The following SFPQ variants were observed in gnomAD, a reference collection of about 807,000 sequenced individuals.
The protein encoded by SFPQ is splicing factor, proline- and glutamine-rich.
Under a neutral mutation model 72.9 loss-of-function variants are expected in SFPQ, and 11 were observed. That is an observed-to-expected ratio of 0.15 (90% CI 0.09 to 0.25). The LOEUF is 0.25. Ranked by LOEUF, SFPQ falls within the 10% of genes least tolerant of loss-of-function variation. The pLI is 1.00. For synonymous variants in SFPQ, 506 were observed against 367.3 expected (o/e 1.38, Z -4.32); for missense variants, 847 against 993.3 (o/e 0.85, Z 1.98).
rs148379438 is a variant in SFPQ, at chr1:35,191,432, G to A, written c.926C>T (p.Thr309Met). The A allele has an allele frequency of 6.2e-7, 1 of 1,613,890 alleles. No individual in the cohort carries two copies. The highest frequency in any genetic ancestry group is 8.5e-7 in the Non-Finnish European group (1 of 1,179,830). The change falls in exon 2 of 10, where the codon ACG (threonine) becomes ATG (methionine). Residue 309 changes from threonine to methionine, a missense_variant. Thr to Met is a moderately conservative substitution (Grantham distance 81, BLOSUM62 -1). Around this residue, in one of 6 missense-constraint regions of SFPQ, gnomAD observed 35 missense variants for 52.9 expected, o/e 0.66. Transcript: ENST00000357214. ...AAATAGTCTTTTGAATTCATCCTCCGTGATATCAGCAGGTAGATTCCCAAC... is the reference window on the plus strand; with the variant it reads ...AAATAGTCTTTTGAATTCATCCTCCATGATATCAGCAGGTAGATTCCCAAC... The part of the protein sequence containing the change: ...LFVGNLPADI[T>M]EDEFKRLFAK...
chr1:35,189,379 C>T lies in SFPQ; in HGVS notation c.1419G>A (p.Glu473=), dbSNP rs780899294. Residue 473 remains glutamate, a synonymous_variant, in exon 5 of 10, where the codon GAG becomes GAA. Coordinates refer to ENST00000357214, the MANE Select transcript of SFPQ (RefSeq NM_005066.3). ...LAQKNPMYQK[E]RETPPRFAQH... ...GGGCAAAACGAGGAGGGGTTTCTCT[C>T]TCCCTAACAATACACAAAATTTTAA... 9.9e-6 allele frequency: 16 copies of T among 1,612,394 alleles called. No homozygotes were observed. The highest frequency in any genetic ancestry group is 2.5e-6 in the Non-Finnish European group (3 of 1,179,014).
At chr1:35,180,199 T>C (rs1639409011), downstream of SFPQ, 2 of 1,051,546 alleles carry the variant, frequency 1.9e-6, no homozygotes, top group Non-Finnish European at 2.3e-6. Context: ...AGAAACATTA[T>C]ACATGAAAAC....
Position 35,192,716 on chromosome 1 carries a change from C to T in SFPQ, c.334G>A (p.Ala112Thr), listed in dbSNP as rs918811798. 6 of 1,472,568 alleles carry T rather than the reference C, an allele frequency of 4.1e-6. No individual in the cohort carries two copies. In the South Asian group the frequency reaches 5.3e-5, roughly 13 times the overall value. 91.2% of individuals were successfully genotyped at this position (1,472,568 alleles called of 1,614,324 possible). A position where few individuals can be genotyped will look rare whatever the true frequency, so the allele number is the denominator to read the frequency against. ...CCGGGAGCGGGGCCGGGTCCCTGAG[C>T]AACGACGGGCTTGGAAGAGTCCTGC... Reference protein sequence around the residue: ...PPQDSSKPVVAQGPGPAPGVG... With the variant: ...PPQDSSKPVVTQGPGPAPGVG... Residue 112 changes from alanine to threonine, a missense_variant, in exon 1 of 10, where the codon GCT becomes ACT. Ala to Thr is a moderately conservative substitution (Grantham distance 58). Coordinates refer to ENST00000357214, the MANE Select transcript of SFPQ (RefSeq NM_005066.3).
chr1:35,188,252 A>C (rs745317323), intron 6 of SFPQ, among the ~76,000 whole-genome samples, 162 bp from the exon 7 acceptor site: 49 of 152,260 alleles, frequency 3.2e-4, no homozygotes, highest in Non-Finnish European at 6.5e-4. Flanking sequence ...CTGGCAAATA[A>C]TGTAGGCTTT....
At position 35,187,251 on chromosome 1, in the gene SFPQ, G is replaced by A; in HGVS notation, c.1816C>T (p.Arg606Trp). 3 of 1,613,846 alleles carry A rather than the reference G, an allele frequency of 1.9e-6. No homozygotes were observed. Among genetic ancestry groups the A allele is most frequent in the Non-Finnish European group, 2.5e-6 (3 of 1,179,894 alleles). ...SYSRMGYMDP[R>W]ERDMRMGGGG... The stretch of plus-strand genomic sequence containing the variant: ...CCACCCATTCGCATGTCTCTTTCCC[G>A]CTGCAAGAAAAAAATTCCTTTCAAT... Residue 606 changes from arginine (R) to tryptophan (W), a missense_variant and splice_region_variant, in exon 8 of 10, where the codon CGG (arginine) becomes TGG (tryptophan). Around this residue, in one of 6 missense-constraint regions of SFPQ, gnomAD observed 154 missense variants for 186.0 expected, o/e 0.83. Coordinates refer to ENST00000357214, the MANE Select transcript of SFPQ (RefSeq NM_005066.3).
At chr1:35,188,892 C>T (rs1639859291) in intron 6 of SFPQ, 111 bp downstream of exon 6, 4 of 792,280 alleles carry the variant, frequency 5.0e-6, no homozygotes, top group African/African-American at 1.7e-5. Context: ...ACCCAGGAAG[C>T]GGAGGTTGTG....
At chr1:35,180,842 G>A, downstream of SFPQ, 1 of 985,364 alleles carries the variant, frequency 1.0e-6, no homozygotes, top group South Asian at 4.7e-5. Flanking sequence ...CACCACTGAT[G>A]TGTTCCATGT....
intron 9 of SFPQ, 100 bp downstream of exon 9, chr1:35,186,901 T>C: frequency 8.4e-7 from 1 of 1,191,318 alleles, no homozygotes; most frequent in Non-Finnish European, 1.2e-6. Flanking sequence ...CTAAAAGAGG[T>C]CCAGTCACCT....
chr1:35,179,495 A>C, downstream of SFPQ: 1 of 1,055,304 alleles, frequency 9.5e-7, no homozygotes, highest in Non-Finnish European at 1.1e-6. Context: ...GGTTTGTAAC[A>C]AAATTATGAA....
At chr1:35,187,699 C>CTA (rs939258217) in intron 7 of SFPQ, among the ~76,000 whole-genome samples, 2 of 151,912 alleles carry the variant, frequency 1.3e-5, no homozygotes, top group Non-Finnish European at 2.9e-5. Context: ...CCACTGCACT[C>CTA]CAGCCTGGGT....
At position 35,192,351 on chromosome 1, in the gene SFPQ, C is replaced by T. The variant is rs1433303158; in HGVS notation, c.699G>A (p.Pro233=). 5.8e-6 allele frequency: 8 copies of T among 1,388,974 alleles called. No homozygotes were observed. Among genetic ancestry groups the T allele is most frequent in the Non-Finnish European group, 4.6e-6 (5 of 1,085,002 alleles). The allele number at this position is 1,388,974 out of a possible 1,614,324, so 86.0% of individuals were successfully genotyped here. A position where few individuals can be genotyped will look rare whatever the true frequency, so the allele number is the denominator to read the frequency against. ...GLSTPGGHPK[P]PHRGGGEPRG... ...GGGGCTCCCCGCCGCCTCGATGCGG[C>T]GGCTTGGGGTGGCCGCCAGGCGTAC... Residue 233 remains proline (P), a synonymous_variant, in exon 1 of 10, where the codon CCG becomes CCA. Transcript: ENST00000357214.
rs1353919808 is a variant in SFPQ, at chr1:35,192,232, G to A, written c.818C>T (p.Ser273Leu). The A allele has an allele frequency of 6.2e-6, 9 of 1,460,170 alleles. No individual in the cohort carries two copies. The highest frequency in any genetic ancestry group is 2.2e-4 in the Middle Eastern group (1 of 4,462). 90.5% of individuals were successfully genotyped at this position (1,460,170 alleles called of 1,614,324 possible). A position where few individuals can be genotyped will look rare whatever the true frequency, so the allele number is the denominator to read the frequency against. The change falls in exon 1 of 10, where the codon TCG becomes TTG. Residue 273 changes from serine to leucine, a missense_variant. Around this residue, in one of 6 missense-constraint regions of SFPQ, gnomAD observed 498 missense variants for 405.1 expected, o/e 1.23. Transcript: ENST00000357214. ...CCCATAGACACTCACCTCCGAGTCC[G>A]AGATCTTCTCCTCGCTGCGGCCGCC... Reference protein sequence around the residue: ...GPGGRSEEKISDSEGFKANLS... With the variant: ...GPGGRSEEKILDSEGFKANLS...
chr1:35,177,921 A>G (rs1639314375), intron 4 of SFPQ: 2 of 694,480 alleles, frequency 2.9e-6, no homozygotes, highest in Non-Finnish European at 3.9e-6. Context: ...CACTCCACAT[A>G]TCTAAATGAA....
At chr1:35,193,140 ACAGGCGGCGC>A (rs1640128690) in exon 1 of SFPQ, 6 of 1,472,766 alleles carry the variant, frequency 4.1e-6, no homozygotes, top group African/African-American at 1.5e-5. Flanking sequence ...GGCGGATGAC[ACAGGCGGCGC>A]GCCGCCTTTG....
At position 35,192,783 on chromosome 1, in the gene SFPQ, C is replaced by A. The variant is rs372546993; in HGVS notation, c.267G>T (p.Pro89=). 5 of 1,495,090 alleles carry A rather than the reference C, an allele frequency of 3.3e-6. No individual in the cohort carries two copies. The allele number at this position is 1,495,090 out of a possible 1,614,324, so 92.6% of individuals were successfully genotyped here. The change falls in exon 1 of 10, where the codon CCG becomes CCT. Residue 89 remains proline (P), a synonymous_variant. Transcript: ENST00000357214. ...GCTGCTGCTGATGCGGCTGTGGATG[C>A]GGCGGCGGCTGATGCGGTGGCGGCT... ...PQQPPPHQPP[P]HPQPHQQQQP...
chr1:35,189,552 A>C (rs747818337), intron 4 of SFPQ, among the ~76,000 whole-genome samples, 170 bp from the exon 5 acceptor site: 1 of 152,228 alleles, frequency 6.6e-6, no homozygotes, highest in East Asian at 1.9e-4. Flanking sequence ...CAGAACACTC[A>C]GTAAAAGAAT....
intron 6 of SFPQ, among the ~76,000 whole-genome samples, chr1:35,188,397 T>G (rs761667431): frequency 1.3e-5 from 2 of 152,220 alleles, no homozygotes; most frequent in African/African-American, 4.8e-5. Context: ...TAAATGTTAG[T>G]GCATAAGTCA....
chr1:35,179,526 T>C, downstream of SFPQ: 2 of 1,054,570 alleles, frequency 1.9e-6, no homozygotes, highest in Non-Finnish European at 2.3e-6. Context: ...AGCACCTCGG[T>C]ATAGCATTAT....
At chr1:35,181,672 T>C, downstream of SFPQ, 9 of 1,060,666 alleles carry the variant, frequency 8.5e-6, no homozygotes, top group Non-Finnish European at 1.0e-5. Context: ...TATGAGAAAG[T>C]GGAGAAGAGG....
Sources: allele counts gnomAD v4.1 joint callset (sites outside exome capture counted in the v4.1 genomes callset), GRCh38; gene constraint gnomAD v4.1.1; regional missense constraint gnomAD v4.1.1; transcripts MANE v1.5; gene names NCBI Gene and HGNC (gene_info 2026-07-23, HGNC 2026-07-21).